The following TRPM3 variants were observed in gnomAD, a reference collection of about 807,000 sequenced individuals.
TRPM3 encodes long transient receptor potential channel 3.
Under a neutral mutation model 181.2 loss-of-function variants are expected in TRPM3, and 77 were observed. That is an observed-to-expected ratio of 0.42 (90% confidence interval 0.35 to 0.51). The LOEUF (loss-of-function observed/expected upper bound fraction) is 0.51. TRPM3 is among the 20% of genes least tolerant of loss of function. The pLI is 0.01. For missense variants in TRPM3, 1,759 were observed against 2,196.7 expected (o/e 0.80, Z 3.98); for synonymous variants, 745 against 796.4 (o/e 0.94, Z 1.09).
At chr9:71,282,589 T>G (rs2084936864) in intron 1 of TRPM3, among the ~76,000 whole-genome samples, 1 of 152,214 alleles carries the variant, frequency 6.6e-6, no homozygotes, top group Non-Finnish European at 1.5e-5. Context: ...TTTAGAAGTC[T>G]GTTGTTGGAA....
intron 1 of TRPM3, among the ~76,000 whole-genome samples, chr9:70,982,162 C>T (rs2097370299): frequency 6.6e-6 from 1 of 152,170 alleles, no homozygotes; most frequent in Non-Finnish European, 1.5e-5. Context: ...TGGCTTATTT[C>T]TCCAAGTCAG....
chr9:70,910,047 C>T (rs377189731), intron 1 of TRPM3, among the ~76,000 whole-genome samples: 73 of 152,178 alleles, frequency 4.8e-4, no homozygotes, highest in African/African-American at 1.7e-3. Flanking sequence ...CCAGCAATTC[C>T]AGTCCTAGGC....
At chr9:70,896,273 A>G (rs1203538608) in intron 1 of TRPM3, among the ~76,000 whole-genome samples, 1 of 152,178 alleles carries the variant, frequency 6.6e-6, no homozygotes, top group African/African-American at 2.4e-5. Flanking sequence ...TCTATCTTCT[A>G]TCTGCCTGTG....
intron 1 of TRPM3, among the ~76,000 whole-genome samples, chr9:71,072,941 C>G (rs1214049122): frequency 6.6e-6 from 1 of 152,150 alleles, no homozygotes; most frequent in Admixed American, 6.5e-5. Context: ...CTCTTTCTAC[C>G]CAGTAAAAAA....
intron 1 of TRPM3, among the ~76,000 whole-genome samples, chr9:71,061,174 T>C (rs929343093): frequency 6.6e-6 from 1 of 152,116 alleles, no homozygotes; most frequent in Non-Finnish European, 1.5e-5. Context: ...AGGAGGTCAA[T>C]GTGGCTGACT....
intron 1 of TRPM3, among the ~76,000 whole-genome samples, chr9:71,079,438 CTG>C (rs1053878767): frequency 2.6e-4 from 39 of 152,156 alleles, no homozygotes; most frequent in African/African-American, 4.8e-5. Flanking sequence ...CAAATCAAAA[CTG>C]TATCTCTGGA....
At position 70,769,242 on chromosome 9, in the gene TRPM3, A is replaced by C. The variant is rs367902007; in HGVS notation, c.1149-7518T>G. Among the ~76,000 whole-genome samples the C allele has an allele frequency of 1.8e-4, 27 of 152,244 alleles. No homozygotes were observed. The South Asian group carries it at 5.2e-3, about 29-fold the overall frequency. On this transcript the variant is annotated intron_variant, in intron 7 of 25. Transcript: ENST00000677713. ...TAGGCTCATCTCCTGCCACTCTGTCACACATATCCCATAAATACTGAATCT... is the reference window on the plus strand; with the variant it reads ...TAGGCTCATCTCCTGCCACTCTGTCCCACATATCCCATAAATACTGAATCT...
At chr9:70,578,298 CAAAAA>C (rs56376771) in intron 22 of TRPM3, among the ~76,000 whole-genome samples, 17 of 116,378 alleles carry the variant, frequency 1.5e-4, no homozygotes, top group East Asian at 2.5e-4. Flanking sequence ...CTTTTGTATC[CAAAAA>C]AAAAAAAAAA....
rs2072044436 is a variant in TRPM3 at position 71,115,131 on chromosome 9, A to AT, written c.177+6046_177+6047insA. On this transcript the variant is annotated intron_variant, in intron 1 of 25. Transcript: ENST00000677713. ...AAACCTTTTGCTCCCACTGTCGACT[A>AT]ACACAAAATCTGTTCTTCCCAGATA... Among the ~76,000 whole-genome samples, 3 of 152,292 alleles carry AT rather than the reference A, an allele frequency of 2.0e-5. No individual in the cohort carries two copies. In the South Asian group the frequency reaches 6.2e-4, roughly 32 times the overall value.
intron 1 of TRPM3, among the ~76,000 whole-genome samples, chr9:71,305,718 T>TAA (rs2087233671): frequency 6.6e-6 from 1 of 152,180 alleles, no homozygotes; most frequent in Non-Finnish European, 1.5e-5. Context: ...TTGAGGGTCA[T>TAA]TATTCAGCAT....
At chr9:71,445,117 G>A (rs149304516) in intron 1 of TRPM3, among the ~76,000 whole-genome samples, 2,489 of 152,226 alleles carry the variant, frequency 0.016, 26 homozygotes, top group Non-Finnish European at 0.024. Flanking sequence ...TAACAAACCT[G>A]CAATCATTTA....
chr9:70,861,453 ATGACACGAGGC>A (rs1438174309), intron 3 of TRPM3, among the ~76,000 whole-genome samples: 3 of 152,174 alleles, frequency 2.0e-5, no homozygotes. Context: ...TACTGGGCTA[ATGACACGAGGC>A]TTGCAGGCAG....
rs574031720 is a variant in TRPM3, at chr9:70,835,489, G to A, written c.802-7471C>T. Among the ~76,000 whole-genome samples the A allele has an allele frequency of 1.6e-4, 24 of 151,884 alleles. 2 individuals are homozygous for A. Among genetic ancestry groups the A allele is most frequent in the Middle Eastern group, 3.4e-3 (1 of 294 alleles). ...CCTTGCCACCCTGAGTCCTCTGCTT[G>A]GCATTCCTTCCCTGGGCTCTAATCA... On this transcript the variant is annotated intron_variant, in intron 5 of 25. Transcript: ENST00000677713.
chr9:71,408,249 G>A (rs537959975), intron 1 of TRPM3, among the ~76,000 whole-genome samples: 1 of 152,288 alleles, frequency 6.6e-6, no homozygotes, highest in African/African-American at 2.4e-5. Context: ...GATGGAGAAC[G>A]ACTTTGACAA....
chr9:70,538,298 A>C lies in TRPM3; in HGVS notation c.3708-893T>G, dbSNP rs73450138. The stretch of plus-strand genomic sequence containing the variant: ...TCTTTTCTTTTTAAAATTAAATTAA[A>C]TTAACTTTTTTAGAGATGGGGGGGG... On this transcript the variant is annotated intron_variant, in intron 25 of 25. Coordinates refer to ENST00000677713, the MANE Select transcript of TRPM3 (RefSeq NM_001366145.2). Among the ~76,000 whole-genome samples the C allele has an allele frequency of 5.0e-3, 756 of 152,232 alleles. 2 individuals are homozygous for C. The highest frequency in any genetic ancestry group is 0.017 in the African/African-American group (719 of 41,506).
At chr9:70,956,089 G>A (rs754808298) in intron 1 of TRPM3, among the ~76,000 whole-genome samples, 14 of 152,080 alleles carry the variant, frequency 9.2e-5, no homozygotes, top group Non-Finnish European at 1.6e-4. Context: ...AAGGGTGCCC[G>A]ATTGAGAATC....
chr9:70,788,935 G>A (rs11142593), intron 6 of TRPM3, among the ~76,000 whole-genome samples: 39,840 of 151,956 alleles, frequency 0.26, 5,863 homozygotes, highest in African/African-American at 0.38. Context: ...ATGAAGCTTC[G>A]CTCACTTGCC....
intron 22 of TRPM3, among the ~76,000 whole-genome samples, chr9:70,566,112 A>G (rs2050513923): frequency 6.6e-6 from 1 of 152,160 alleles, no homozygotes; most frequent in South Asian, 2.1e-4. Context: ...ATGGACAGAA[A>G]AGAAACAATA....
At chr9:71,205,102 T>C (rs1184320723) in intron 1 of TRPM3, among the ~76,000 whole-genome samples, 1 of 151,986 alleles carries the variant, frequency 6.6e-6, no homozygotes, top group African/African-American at 2.4e-5. Context: ...TTAGGAGATA[T>C]ACCTAATGTT....
Sources: allele counts gnomAD v4.1 joint callset (sites outside exome capture counted in the v4.1 genomes callset), GRCh38; gene constraint gnomAD v4.1.1; transcripts MANE v1.5; gene names NCBI Gene and HGNC (gene_info 2026-07-23, HGNC 2026-07-21).